GULP1: variants seen among roughly 807,000 people sequenced by gnomAD.
The protein encoded by GULP1 is PTB domain-containing engulfment adapter protein 1.
A neutral mutation model predicts 40.9 loss-of-function variants in GULP1; 19 were observed. The ratio of observed to expected loss-of-function variants is 0.46; its 90% CI spans 0.32 to 0.68. The LOEUF is 0.68. GULP1 is among the 30% of genes least tolerant of loss of function. The pLI is 0.03. For synonymous variants in GULP1, 119 were observed against 117.6 expected, an observed-to-expected ratio of 1.01 and a Z score of -0.08; for missense variants, 312 against 362.2, an observed-to-expected ratio of 0.86 and a Z score of 1.12.
At chr2:188,298,966 A>T (rs530821550) in intron 1 of GULP1, among the ~76,000 whole-genome samples, 1 of 152,238 alleles carries the variant, frequency 6.6e-6, no homozygotes, top group African/African-American at 2.4e-5. Context: ...ACAAGGGAGG[A>T]GAAGGGGATC....
chr2:188,579,117 A>T (rs1700760808), intron 9 of GULP1, among the ~76,000 whole-genome samples: 2 of 152,172 alleles, frequency 1.3e-5, no homozygotes, highest in Non-Finnish European at 2.9e-5. Flanking sequence ...ATTACATATA[A>T]CATCTGATTC....
intron 1 of GULP1, among the ~76,000 whole-genome samples, chr2:188,309,177 A>G (rs72907612): frequency 0.011 from 1,746 of 152,302 alleles, 14 homozygotes; most frequent in Non-Finnish European, 0.02. Flanking sequence ...TGTCTTAAGA[A>G]GGAATTGGCT....
At chr2:188,410,121 C>T (rs2053668966) in intron 2 of GULP1, among the ~76,000 whole-genome samples, 1 of 152,014 alleles carries the variant, frequency 6.6e-6, no homozygotes, top group Admixed American at 6.6e-5. Flanking sequence ...ATAAACAGTG[C>T]TGGAAAAACT....
chr2:188,369,151 G>A (rs2047263494), intron 1 of GULP1, among the ~76,000 whole-genome samples: 1 of 150,884 alleles, frequency 6.6e-6, no homozygotes, highest in African/African-American at 2.4e-5. Flanking sequence ...AGTAGAGATG[G>A]GGTTTCACCA....
intron 1 of GULP1, among the ~76,000 whole-genome samples, chr2:188,364,339 A>G (rs2046460929): frequency 1.3e-5 from 2 of 152,322 alleles, no homozygotes; most frequent in South Asian, 4.1e-4. Context: ...TGTGGAGAGA[A>G]TTCACAGTGG....
chr2:188,501,654 G>A (rs552703859), intron 4 of GULP1, among the ~76,000 whole-genome samples: 3 of 151,944 alleles, frequency 2.0e-5, no homozygotes, highest in South Asian at 2.1e-4. Flanking sequence ...ATGTTTCCGC[G>A]TCTTAGAGTA....
rs570205510 is a variant in GULP1, at chr2:188,448,223, G to A, written c.-44-29436G>A. Among the ~76,000 whole-genome samples the A allele has an allele frequency of 3.5e-4, 54 of 152,264 alleles. No homozygotes were observed. The South Asian group carries it at 0.011, about 31-fold the overall frequency. On this transcript the variant is annotated intron_variant, in intron 2 of 11. Coordinates refer to ENST00000409830, the MANE Select transcript of GULP1 (RefSeq NM_016315.4). The stretch of plus-strand genomic sequence containing the variant: ...AGACAACAAGTGTAAAAGCAGAGTT[G>A]TTAATAATATCTAGTTTTAGGAAAT...
intron 4 of GULP1, among the ~76,000 whole-genome samples, chr2:188,494,186 A>G (rs2062680000): frequency 6.6e-6 from 1 of 151,940 alleles, no homozygotes; most frequent in Non-Finnish European, 1.5e-5. Flanking sequence ...ATAGATACAA[A>G]TACCATTAAA....
chr2:188,396,533 G>A (rs2051300384), intron 2 of GULP1, among the ~76,000 whole-genome samples: 1 of 152,200 alleles, frequency 6.6e-6, no homozygotes, highest in Non-Finnish European at 1.5e-5. Context: ...GCAGCAGCAA[G>A]CTAAGTTCCA....
At position 188,595,281 on chromosome 2, in the gene GULP1, T is replaced by G. The variant is rs1385991094; in HGVS notation, c.*1270T>G. ...TTCATCACATTATAAGATAAATAAA[T>G]TAAATTAATGAAAATGTGACTTAGA... On this transcript the variant is annotated 3_prime_UTR_variant, in exon 12 of 12. Transcript: ENST00000409830. 2 of 151,708 alleles carry G rather than the reference T, an allele frequency of 1.3e-5. No individual in the cohort carries two copies. Among genetic ancestry groups the G allele is most frequent in the Non-Finnish European group, 3.0e-5 (2 of 67,706 alleles). The allele number at this position is 151,708 out of a possible 1,614,324, so 9.4% of individuals were successfully genotyped here.
At position 188,541,848 on chromosome 2, in the gene GULP1, G is replaced by A. The variant is rs180856465; in HGVS notation, c.399+530G>A. On this transcript the variant is annotated intron_variant, in intron 7 of 11. Coordinates refer to ENST00000409830, the MANE Select transcript of GULP1 (RefSeq NM_016315.4). ...TCTTAGGCCAGGCGCGGTGGCTCAC[G>A]CCTGTAATCCCAGCACTTCGGGAGG... The A allele has an allele frequency of 1.7e-4, 27 of 160,276 alleles. No homozygotes were observed. In the East Asian group the frequency reaches 4.2e-3, roughly 25 times the overall value. The allele number at this position is 160,276 out of a possible 1,614,324, so 9.9% of individuals were successfully genotyped here.
chr2:188,373,035 A>G (rs2047812609), intron 1 of GULP1, among the ~76,000 whole-genome samples: 1 of 151,886 alleles, frequency 6.6e-6, no homozygotes, highest in Admixed American at 6.6e-5. Flanking sequence ...AGCATTTTAT[A>G]TATTCATTTA....
intron 2 of GULP1, among the ~76,000 whole-genome samples, chr2:188,399,601 C>T (rs2051819580): frequency 1.3e-5 from 2 of 148,674 alleles, no homozygotes; most frequent in South Asian, 4.2e-4. Flanking sequence ...TATCTGTAAT[C>T]CCAGCACTTT....
intron 2 of GULP1, among the ~76,000 whole-genome samples, chr2:188,465,890 T>C (rs916236848): frequency 7.2e-5 from 11 of 152,116 alleles, no homozygotes; most frequent in Admixed American, 6.5e-4. Context: ...CCAGTGCCTC[T>C]TTCCGTGGTA....
At chr2:188,325,716 G>C (rs1026246495) in intron 1 of GULP1, among the ~76,000 whole-genome samples, 1 of 152,102 alleles carries the variant, frequency 6.6e-6, no homozygotes, top group Non-Finnish European at 1.5e-5. Context: ...GGAATAAAGA[G>C]AGAATGGCAG....
At chr2:188,317,223 G>T (rs959025910) in intron 1 of GULP1, among the ~76,000 whole-genome samples, 1 of 151,746 alleles carries the variant, frequency 6.6e-6, no homozygotes, top group African/African-American at 2.4e-5. Flanking sequence ...TTCATGGCTC[G>T]TTTGGTTTCC....
chr2:188,538,690 TGTGA>T lies in GULP1; in HGVS notation c.262-2487_262-2484del, dbSNP rs915288964. 2.4e-4 allele frequency among the ~76,000 whole-genome samples: 35 copies of T among 147,034 alleles called. No homozygotes were observed. In the East Asian group the frequency reaches 5.7e-3, roughly 24 times the overall value. On this transcript the variant is annotated intron_variant, in intron 6 of 11. Transcript: ENST00000409830. ...TGCGGTATGTGTGTGTGAGTGTGTGTGTGAGTGTGTGTGTGTGTGTGTGTGTGTG... is the reference window on the plus strand; with the variant it reads ...TGCGGTATGTGTGTGTGAGTGTGTGTGTGTGTGTGTGTGTGTGTGTGTGTG...
chr2:188,524,572 A>G (rs1229741907), intron 5 of GULP1, among the ~76,000 whole-genome samples: 1 of 151,258 alleles, frequency 6.6e-6, no homozygotes, highest in Non-Finnish European at 1.5e-5. Context: ...AATGAATAAA[A>G]CAATGCTTTT....
chr2:188,460,699 T>C (rs906771061), intron 2 of GULP1, among the ~76,000 whole-genome samples: 2 of 152,162 alleles, frequency 1.3e-5, no homozygotes, highest in African/African-American at 4.8e-5. Flanking sequence ...AGAATAACAG[T>C]GGTGAAAGTG....
Sources: allele counts gnomAD v4.1 joint callset (sites outside exome capture counted in the v4.1 genomes callset), GRCh38; gene constraint gnomAD v4.1.1; transcripts MANE v1.5; gene names NCBI Gene and HGNC (gene_info 2026-07-23, HGNC 2026-07-21).